The following MGAT5B variants were observed in gnomAD, a reference collection of about 807,000 sequenced individuals.
MGAT5B encodes the protein N-acetylglucosaminyl-transferase Vb.
In MGAT5B, 54 loss-of-function variants were observed where a neutral mutation model predicts 95.1. That is an observed-to-expected ratio of 0.57 (90% CI 0.46 to 0.71). The LOEUF is 0.71. Among genes scored for constraint, MGAT5B ranks in the 30% least tolerant of loss-of-function variants. MGAT5B has a pLI of 0.00. For missense variants in MGAT5B, 935 were observed against 1,088.6 expected, an observed-to-expected ratio of 0.86 and a Z score of 1.99; for synonymous variants, 464 against 451.0, an observed-to-expected ratio of 1.03 and a Z score of -0.36.
intron 8 of MGAT5B, chr17:76,923,897 G>T (rs1345429796): frequency 6.6e-6 from 1 of 152,232 alleles, no homozygotes; most frequent in Non-Finnish European, 1.5e-5. Context: ...CTCTGGTGGA[G>T]TGGGGATGGG....
intron 10 of MGAT5B, among the ~76,000 whole-genome samples, chr17:76,928,688 G>A (rs1337529776): frequency 6.6e-6 from 1 of 151,784 alleles, no homozygotes. Flanking sequence ...CTGGGCAACA[G>A]AGCAAGATTC....
chr17:76,872,782 G>A, intron 1 of MGAT5B, 69 bp from the exon 2 acceptor site: 1 of 1,613,628 alleles, frequency 6.2e-7, no homozygotes, highest in Non-Finnish European at 8.5e-7. Context: ...TGTGCAGCCG[G>A]TACGTGGTGG....
Position 76,917,426 on chromosome 17 carries a change from A to T in MGAT5B, c.1026-7540A>T, listed in dbSNP as rs1968977660. 6.6e-6 allele frequency among the ~76,000 whole-genome samples: 1 copy of T among 151,876 alleles called. No homozygotes were observed. The highest frequency in any genetic ancestry group is 2.4e-5 in the African/African-American group (1 of 41,324). Reference sequence around the variant, plus strand: ...GGATCAGCAGTTTGACCGTGGGCTGAGTCACTTGTCATAAGTGACTCCATT... The same window carrying T: ...GGATCAGCAGTTTGACCGTGGGCTGTGTCACTTGTCATAAGTGACTCCATT... On this transcript the variant is annotated intron_variant, in intron 8 of 17. Transcript: ENST00000569840. This position sits in a 1 kb window ranked among gnomAD's most constrained non-coding sequence, Gnocchi z 6.1.
chr17:76,935,218 G>C (rs1969611972), intron 12 of MGAT5B, among the ~76,000 whole-genome samples: 1 of 152,230 alleles, frequency 6.6e-6, no homozygotes, highest in Admixed American at 6.5e-5. Context: ...CAGGCCCTCA[G>C]ACAGTCATCT....
intron 3 of MGAT5B, among the ~76,000 whole-genome samples, chr17:76,887,495 C>T (rs1967691811): frequency 1.1e-5 from 1 of 94,176 alleles, no homozygotes; most frequent in African/African-American, 4.9e-5. Flanking sequence ...CCCTCCCTCC[C>T]TTCCTCTCTC....
Position 76,940,568 on chromosome 17 carries a change from G to T in MGAT5B, c.1731+20G>T, listed in dbSNP as rs1179874310. On this transcript the variant is annotated intron_variant, in intron 14 of 17. Coordinates refer to ENST00000569840, the MANE Select transcript of MGAT5B (RefSeq NM_001199172.2). This position sits in a 1 kb window ranked among gnomAD's most constrained non-coding sequence, Gnocchi z 4.3. ...AGAGAGGTGAGTGGAAAGCATCCTG[G>T]TCCCCGATCAGGAGGGGCCGGGACA... The T allele has an allele frequency of 6.3e-7, 1 of 1,599,350 alleles. No homozygotes were observed. The highest frequency in any genetic ancestry group is 8.5e-7 in the Non-Finnish European group (1 of 1,169,930).
intron 8 of MGAT5B, among the ~76,000 whole-genome samples, chr17:76,907,096 G>A (rs985292855): frequency 6.6e-6 from 1 of 151,354 alleles, no homozygotes; most frequent in African/African-American, 2.4e-5. Context: ...TTGTTCCCCA[G>A]GCTGGAGTGC....
Position 76,872,914 on chromosome 17 carries a change from G to C in MGAT5B, c.132G>C (p.Gln44His). 6.2e-7 allele frequency: 1 copy of C among 1,614,198 alleles called. No homozygotes were observed. Among genetic ancestry groups the C allele is most frequent in the Non-Finnish European group, 8.5e-7 (1 of 1,180,046 alleles). The change falls in exon 2 of 18, where the codon CAG (glutamine) becomes CAC (histidine). Residue 44 changes from glutamine (Q) to histidine (H), a missense_variant. This residue lies in a region of MGAT5B where 243 missense variants were observed against 228.2 expected (regional missense o/e 1.06). Coordinates refer to ENST00000569840, the MANE Select transcript of MGAT5B (RefSeq NM_001199172.2). The part of the protein sequence containing the change: ...LCFLMTSLGG[Q>H]FSARRLGDSP... ...TCCTGATGACGTCTCTGGGAGGCCA[G>C]TTCTCGGCCCGGCGCCTGGGGGACT...
chr17:76,944,684 G>A (rs1969980248), intron 15 of MGAT5B, among the ~76,000 whole-genome samples: 2 of 152,194 alleles, frequency 1.3e-5, no homozygotes, highest in African/African-American at 4.8e-5. Context: ...AGTGCAGGGG[G>A]ACGTCAGTGC....
intron 6 of MGAT5B, 66 bp downstream of exon 6, chr17:76,904,488 A>G: frequency 6.8e-7 from 1 of 1,481,398 alleles, no homozygotes; most frequent in Non-Finnish European, 9.1e-7. Flanking sequence ...AGGACAGTGG[A>G]CAGAAACCTC....
At chr17:76,894,135 C>T (rs929732117) in intron 3 of MGAT5B, among the ~76,000 whole-genome samples, 1 of 152,196 alleles carries the variant, frequency 6.6e-6, no homozygotes, top group Non-Finnish European at 1.5e-5. Context: ...TGTGTCCAGG[C>T]ATTCATTAGG....
intron 3 of MGAT5B, among the ~76,000 whole-genome samples, chr17:76,895,798 G>A (rs949832968): frequency 3.3e-5 from 5 of 151,756 alleles, no homozygotes; most frequent in East Asian, 1.9e-4. Context: ...TGCAACATAC[G>A]AATTTGAAGG....
chr17:76,882,184 G>A lies in MGAT5B; in HGVS notation c.215G>A (p.Arg72His), dbSNP rs765968168. The A allele has an allele frequency of 1.1e-5, 17 of 1,613,208 alleles. No homozygotes were observed. In the South Asian group the frequency reaches 1.5e-4, roughly 15 times the overall value. ...GGCCCCGAGTCCCGCGGCGTCCTGC[G>A]CAAGATGAGCGACCTGCTGGAGCTG... The part of the protein sequence containing the change: ...MGGPESRGVL[R>H]KMSDLLELMV... The change falls in exon 3 of 18, where the codon CGC (arginine) becomes CAC (histidine). Residue 72 changes from arginine to histidine, a missense_variant. Transcript: ENST00000569840.
chr17:76,946,704 C>T (rs1970041163), intron 16 of MGAT5B, among the ~76,000 whole-genome samples: 1 of 152,260 alleles, frequency 6.6e-6, no homozygotes. Flanking sequence ...CTCCACGGCA[C>T]TAACAGAAAC....
In MGAT5B at chr17:76,903,364, A is replaced by G; in HGVS notation, c.507A>G (p.Ser169=). The change falls in exon 5 of 18, where the codon TCA becomes TCG. Residue 169 remains serine (S), a synonymous_variant. Coordinates refer to ENST00000569840, the MANE Select transcript of MGAT5B (RefSeq NM_001199172.2). ...GTGACCCCAAGTTCCCTGACTGCTC[A>G]GGGAAGGTGGAGGTGAGGCCTGGGG... The part of the protein sequence containing the change: ...APSDPKFPDC[S]GKVEWMRARW... The G allele has an allele frequency of 6.2e-7, 1 of 1,610,914 alleles. No homozygotes were observed. Among genetic ancestry groups the G allele is most frequent in the Non-Finnish European group, 8.5e-7 (1 of 1,178,530 alleles).
At chr17:76,903,438 C>G (rs1968396653) in intron 5 of MGAT5B, 62 bp downstream of exon 5, 2 of 1,426,986 alleles carry the variant, frequency 1.4e-6, no homozygotes, top group Non-Finnish European at 1.9e-6. Context: ...CTGGCCCTGG[C>G]CCCTCACCCA....
At chr17:76,928,691 C>A (rs1295548904) in intron 10 of MGAT5B, among the ~76,000 whole-genome samples, 1 of 150,726 alleles carries the variant, frequency 6.6e-6, no homozygotes, top group Non-Finnish European at 1.5e-5. Context: ...GGCAACAGAG[C>A]AAGATTCTGT....
intron 3 of MGAT5B, among the ~76,000 whole-genome samples, chr17:76,897,668 T>TCTTC (rs1968117772): frequency 1.5e-5 from 1 of 66,742 alleles, no homozygotes; most frequent in Non-Finnish European, 2.5e-5. Flanking sequence ...CCACTTTCTT[T>TCTTC]CTTTCTTTCT....
intron 15 of MGAT5B, among the ~76,000 whole-genome samples, chr17:76,945,489 A>G (rs1053508805): frequency 2.6e-5 from 4 of 152,026 alleles, no homozygotes; most frequent in African/African-American, 4.8e-5. Flanking sequence ...GGGTTTCACC[A>G]CGTTGGCCAG....
Sources: allele counts gnomAD v4.1 joint callset (sites outside exome capture counted in the v4.1 genomes callset), GRCh38; gene constraint gnomAD v4.1.1; regional missense constraint gnomAD v4.1.1; non-coding constraint Gnocchi (gnomAD v3.1); transcripts MANE v1.5; gene names NCBI Gene and HGNC (gene_info 2026-07-23, HGNC 2026-07-21).